The following CDKAL1 variants were observed in gnomAD, a reference collection of about 807,000 sequenced individuals.
CDKAL1 encodes CDKAL1 threonylcarbamoyladenosine tRNA methylthiotransferase.
Under a neutral mutation model 68.2 loss-of-function variants are expected in CDKAL1, and 32 were observed. The ratio of observed to expected loss-of-function variants is 0.47; its 90% CI spans 0.35 to 0.63. The LOEUF (loss-of-function observed/expected upper bound fraction) is 0.63. Ranked by LOEUF, CDKAL1 falls within the 30% of genes least tolerant of loss-of-function variation. The pLI is 0.00. For synonymous variants in CDKAL1, 234 were observed against 244.3 expected (o/e 0.96, Z 0.39); for missense variants, 606 against 696.7 (o/e 0.87, Z 1.47).
intron 11 of CDKAL1, among the ~76,000 whole-genome samples, 198 bp from the exon 12 acceptor site, chr6:21,064,850 G>A (rs961300650): frequency 2.0e-5 from 3 of 152,118 alleles, no homozygotes; most frequent in Non-Finnish European, 4.4e-5. Context: ...TTTAAGATGG[G>A]TTTCCCTGGA....
intron 12 of CDKAL1, among the ~76,000 whole-genome samples, chr6:21,098,327 A>T (rs1490213374): frequency 6.6e-6 from 1 of 152,120 alleles, no homozygotes; most frequent in African/African-American, 2.4e-5. Context: ...CAAGTGATTT[A>T]ACTATATAAG....
At chr6:21,148,687 G>A (rs1776283645) in intron 13 of CDKAL1, among the ~76,000 whole-genome samples, 2 of 151,988 alleles carry the variant, frequency 1.3e-5, no homozygotes, top group Non-Finnish European at 2.9e-5. Context: ...TGTTTTCAAA[G>A]TTGAAGAAAA....
At chr6:20,806,532 T>G (rs1481841264) in intron 8 of CDKAL1, among the ~76,000 whole-genome samples, 1 of 152,176 alleles carries the variant, frequency 6.6e-6, no homozygotes, top group African/African-American at 2.4e-5. Context: ...TGTTTTAAGT[T>G]CTTTGAGAAA....
At chr6:21,085,237 T>C (rs7773973) in intron 12 of CDKAL1, among the ~76,000 whole-genome samples, 133,102 of 152,270 alleles carry the variant, frequency 0.87, 58,473 homozygotes, top group East Asian at 1. Context: ...CTCTTGATCA[T>C]TTTGACCATC....
chr6:20,546,741 A>T (rs1485221229), intron 3 of CDKAL1, among the ~76,000 whole-genome samples: 2 of 151,996 alleles, frequency 1.3e-5, no homozygotes, highest in Non-Finnish European at 2.9e-5. Context: ...TTTAGTAGAG[A>T]TGGGGTTTCA....
At chr6:20,967,592 T>C (rs932027671) in intron 10 of CDKAL1, among the ~76,000 whole-genome samples, 3 of 152,224 alleles carry the variant, frequency 2.0e-5, no homozygotes, top group East Asian at 1.9e-4. Flanking sequence ...CACAGACTTA[T>C]AATTAGCACT....
At chr6:20,758,100 T>A (rs35499882) in intron 6 of CDKAL1, among the ~76,000 whole-genome samples, 44,397 of 151,936 alleles carry the variant, frequency 0.29, 7,303 homozygotes, top group South Asian at 0.37. Flanking sequence ...ACTTTGTATT[T>A]CATGGACCTG....
At chr6:21,201,001 A>G (rs1276365415) in intron 14 of CDKAL1, 109 bp from the exon 15 acceptor site, 3 of 958,082 alleles carry the variant, frequency 3.1e-6, no homozygotes, top group African/African-American at 1.7e-5. Context: ...GGAGTTAGGT[A>G]TACAGGAGCT....
chr6:20,655,599 G>A (rs548639015), intron 5 of CDKAL1, among the ~76,000 whole-genome samples: 2 of 152,290 alleles, frequency 1.3e-5, no homozygotes, highest in South Asian at 2.1e-4. Context: ...ATTGTGAACT[G>A]TACATGTGAG....
intron 13 of CDKAL1, among the ~76,000 whole-genome samples, chr6:21,186,787 CTA>C (rs1365109376): frequency 6.6e-6 from 1 of 151,382 alleles, no homozygotes; most frequent in Non-Finnish European, 1.5e-5. Context: ...TGAAAAATGA[CTA>C]ATATCCTTTC....
intron 7 of CDKAL1, among the ~76,000 whole-genome samples, chr6:20,774,378 T>C (rs1429861475): frequency 6.6e-6 from 1 of 152,208 alleles, no homozygotes; most frequent in Non-Finnish European, 1.5e-5. Flanking sequence ...ATATATTTTG[T>C]AGCTAGTTAT....
intron 10 of CDKAL1, among the ~76,000 whole-genome samples, chr6:20,976,694 A>G (rs888045906): frequency 1.3e-5 from 2 of 152,134 alleles, no homozygotes; most frequent in African/African-American, 4.8e-5. Context: ...TCTATTCTGA[A>G]TTGGAAAATT....
chr6:20,651,400 A>T (rs1768764605), intron 5 of CDKAL1, among the ~76,000 whole-genome samples: 1 of 152,102 alleles, frequency 6.6e-6, no homozygotes, highest in Admixed American at 6.5e-5. Context: ...TTGCACATTG[A>T]TTTTATATCC....
intron 10 of CDKAL1, among the ~76,000 whole-genome samples, chr6:20,992,324 C>T (rs1766873129): frequency 6.6e-6 from 1 of 151,932 alleles, no homozygotes; most frequent in South Asian, 2.1e-4. Context: ...GCCTCAGCCT[C>T]CCAAAGTGCT....
chr6:20,893,745 A>G (rs1032661631), intron 9 of CDKAL1, among the ~76,000 whole-genome samples: 1 of 152,176 alleles, frequency 6.6e-6, no homozygotes, highest in African/African-American at 2.4e-5. Context: ...ATAATAACAG[A>G]ACTAACTTCA....
At chr6:21,217,078 A>T (rs1779363920) in intron 15 of CDKAL1, among the ~76,000 whole-genome samples, 1 of 152,118 alleles carries the variant, frequency 6.6e-6, no homozygotes, top group South Asian at 2.1e-4. Flanking sequence ...AACCTGGTAT[A>T]TGTAAGCTGG....
intron 12 of CDKAL1, among the ~76,000 whole-genome samples, chr6:21,087,796 G>A (rs564695503): frequency 6.0e-5 from 9 of 150,000 alleles, no homozygotes; most frequent in African/African-American, 9.7e-5. Context: ...GCATGCATGC[G>A]TGCACACACA....
chr6:20,781,007 T>C, intron 7 of CDKAL1, 138 bp from the exon 8 acceptor site: 1 of 824,834 alleles, frequency 1.2e-6, no homozygotes, highest in South Asian at 2.1e-5. Context: ...TTCTGAAGTT[T>C]AAATGATCAC....
At chr6:20,929,420 C>T (rs1763327992) in intron 9 of CDKAL1, among the ~76,000 whole-genome samples, 1 of 152,134 alleles carries the variant, frequency 6.6e-6, no homozygotes, top group African/African-American at 2.4e-5. Context: ...GAGGTGTTCC[C>T]TCACAGAGGC....
Sources: allele counts gnomAD v4.1 joint callset (sites outside exome capture counted in the v4.1 genomes callset), GRCh38; gene constraint gnomAD v4.1.1; transcripts MANE v1.5; gene names NCBI Gene and HGNC (gene_info 2026-07-23, HGNC 2026-07-21).